The following FMN2 variants were observed in gnomAD, a reference collection of about 807,000 sequenced individuals.
The protein encoded by FMN2 is formin 2.
Under a neutral mutation model 142.3 loss-of-function variants are expected in FMN2, and 51 were observed. The ratio of observed to expected loss-of-function variants is 0.36; its 90% CI spans 0.29 to 0.45. FMN2 has a LOEUF of 0.45. FMN2 is among the 20% of genes least tolerant of loss of function. FMN2 has a pLI of 1.00. For synonymous variants in FMN2, 882 were observed against 869.8 expected (o/e 1.01, Z -0.25); for missense variants, 1,936 against 2,122.8 (o/e 0.91, Z 1.73).
At chr1:240,136,994 C>G (rs892280728) in intron 2 of FMN2, among the ~76,000 whole-genome samples, 1 of 148,376 alleles carries the variant, frequency 6.7e-6, no homozygotes, top group Non-Finnish European at 1.5e-5. Context: ...CGCTTGAACC[C>G]AAGAGGCGGA....
chr1:240,103,886 A>AT (rs201997119), intron 1 of FMN2, among the ~76,000 whole-genome samples: 5,800 of 150,666 alleles, frequency 0.038, 203 homozygotes, highest in African/African-American at 0.1. Context: ...CATTATTATT[A>AT]TTTTTTTTTG....
intron 6 of FMN2, among the ~76,000 whole-genome samples, chr1:240,228,482 C>T (rs1667422434): frequency 6.6e-6 from 1 of 151,936 alleles, no homozygotes; most frequent in African/African-American, 2.4e-5. Flanking sequence ...AACCACAATG[C>T]AACACCACCT....
intron 14 of FMN2, among the ~76,000 whole-genome samples, chr1:240,391,801 A>G (rs1396202812): frequency 6.7e-6 from 1 of 150,014 alleles, no homozygotes; most frequent in Non-Finnish European, 1.5e-5. Flanking sequence ...GAAGTAGTAC[A>G]TAATTCCTAG....
At chr1:240,275,352 T>C (rs1183633265) in intron 7 of FMN2, among the ~76,000 whole-genome samples, 1 of 152,108 alleles carries the variant, frequency 6.6e-6, no homozygotes, top group East Asian at 1.9e-4. Flanking sequence ...TGGTTTTCTG[T>C]TCCTGTGGTA....
intron 2 of FMN2, chr1:240,170,371 G>T: frequency 1.7e-6 from 2 of 1,183,402 alleles, no homozygotes. Context: ...CTTGGGACAT[G>T]AAGGTGCTGG....
chr1:240,347,786 T>A (rs1187727341), intron 13 of FMN2, among the ~76,000 whole-genome samples: 1 of 152,178 alleles, frequency 6.6e-6, no homozygotes. Context: ...AGTGAGAACA[T>A]GTGGTATTTG....
At chr1:240,436,083 G>C (rs1047675692) in intron 15 of FMN2, among the ~76,000 whole-genome samples, 2 of 152,148 alleles carry the variant, frequency 1.3e-5, no homozygotes, top group African/African-American at 4.8e-5. Context: ...CTTAGACTCT[G>C]TGTGTTCTCT....
intron 6 of FMN2, among the ~76,000 whole-genome samples, chr1:240,217,887 T>TATTAGGGAA (rs1666963798): frequency 6.6e-6 from 1 of 152,146 alleles, no homozygotes; most frequent in African/African-American, 2.4e-5. Context: ...CTAGATTATA[T>TATTAGGGAA]ATTAGGGAAA....
At chr1:240,432,625 G>A (rs1292983755) in intron 15 of FMN2, among the ~76,000 whole-genome samples, 1 of 151,642 alleles carries the variant, frequency 6.6e-6, no homozygotes. Flanking sequence ...TCATTTTAAA[G>A]TTCAATTTCT....
chr1:240,422,358 G>A (rs1674797002), intron 15 of FMN2, among the ~76,000 whole-genome samples: 1 of 152,200 alleles, frequency 6.6e-6, no homozygotes, highest in Admixed American at 6.5e-5. Context: ...CTTGACTACT[G>A]AGTCTACCTA....
rs557713168 is a variant in FMN2, at chr1:240,388,657, T to C, written c.4859-3854T>C. On this transcript the variant is annotated intron_variant, in intron 14 of 17. Coordinates refer to ENST00000319653, the MANE Select transcript of FMN2 (RefSeq NM_020066.5). The stretch of plus-strand genomic sequence containing the variant: ...CAGGTGGATCACCTCAGGTCAGGAG[T>C]TCGAGACCAGCCTGACCAATATGAT... Among the ~76,000 whole-genome samples the C allele has an allele frequency of 9.2e-5, 14 of 151,752 alleles. No homozygotes were observed. The South Asian group carries it at 2.9e-3, about 32-fold the overall frequency.
chr1:240,159,876 T>G (rs902713998), intron 2 of FMN2, among the ~76,000 whole-genome samples: 5 of 146,870 alleles, frequency 3.4e-5, no homozygotes, highest in Admixed American at 6.9e-5. Flanking sequence ...ATTATTTGCA[T>G]ACATGGAGAG....
chr1:240,435,160 A>G (rs910704698), intron 15 of FMN2, among the ~76,000 whole-genome samples: 6 of 147,518 alleles, frequency 4.1e-5, no homozygotes, highest in African/African-American at 1.6e-4. Flanking sequence ...CCTCTTATAA[A>G]GTGAATACAT....
intron 13 of FMN2, among the ~76,000 whole-genome samples, chr1:240,355,191 G>GGAGGTAATAAGTCTACTTT (rs369261239): frequency 0.016 from 2,402 of 152,166 alleles, 80 homozygotes; most frequent in African/African-American, 0.055. Flanking sequence ...AGCTATAAAA[G>GGAGGTAATAAGTCTACTTT]GAGGTAATAA....
At chr1:240,288,418 C>T (rs371064527) in intron 7 of FMN2, among the ~76,000 whole-genome samples, 5 of 152,156 alleles carry the variant, frequency 3.3e-5, no homozygotes, top group African/African-American at 1.2e-4. Flanking sequence ...AACCTAGAGC[C>T]TAATAGGAGA....
chr1:240,255,804 G>A (rs566052260), intron 6 of FMN2, among the ~76,000 whole-genome samples: 3 of 152,246 alleles, frequency 2.0e-5, no homozygotes, highest in Non-Finnish European at 4.4e-5. Context: ...GTCTTTTCAC[G>A]AAGTAGGAGA....
At chr1:240,361,172 TATATATATATATAA>T (rs1558452668) in intron 14 of FMN2, among the ~76,000 whole-genome samples, 1,178 of 92,160 alleles carry the variant, frequency 0.013, 29 homozygotes, top group African/African-American at 0.047. Flanking sequence ...TATATATATA[TATATATATATATAA>T]AAGAGTTTAA....
intron 3 of FMN2, among the ~76,000 whole-genome samples, chr1:240,184,837 T>G (rs904933341): frequency 6.6e-6 from 1 of 151,914 alleles, no homozygotes; most frequent in Non-Finnish European, 1.5e-5. Context: ...CAGATTCACC[T>G]ATCTAGTGAC....
intron 11 of FMN2, 96 bp from the exon 12 acceptor site, chr1:240,333,791 T>G: frequency 2.3e-6 from 2 of 877,292 alleles, no homozygotes; most frequent in South Asian, 2.0e-5. Context: ...AATGTTCTCA[T>G]GTATATACAT....
Sources: allele counts gnomAD v4.1 joint callset (sites outside exome capture counted in the v4.1 genomes callset), GRCh38; gene constraint gnomAD v4.1.1; transcripts MANE v1.5; gene names NCBI Gene and HGNC (gene_info 2026-07-23, HGNC 2026-07-21).